ZNF77: variants seen among roughly 807,000 people sequenced by gnomAD.
ZNF77 encodes the protein ZNFpT1.
ZNF77 carries 15 observed loss-of-function variants against 13.5 expected under a neutral mutation model. The ratio of observed to expected loss-of-function variants is 1.11; its 90% CI spans 0.74 to 1.71. ZNF77 has a LOEUF of 1.71. ZNF77 is among the 40% of genes most tolerant of loss of function. ZNF77 has a pLI of 0.00. For synonymous variants in ZNF77, 282 were observed against 250.0 expected (o/e 1.13, Z -1.21); for missense variants, 717 against 676.4 (o/e 1.06, Z -0.67).
chr19:2,935,462 C>T (rs537111582), intron 3 of ZNF77, among the ~76,000 whole-genome samples: 9 of 151,282 alleles, frequency 5.9e-5, no homozygotes, highest in East Asian at 3.9e-4. Flanking sequence ...GGATTACAGG[C>T]GTGCACCACT....
At chr19:2,942,703 C>T (rs888806600) in intron 1 of ZNF77, among the ~76,000 whole-genome samples, 6 of 152,026 alleles carry the variant, frequency 3.9e-5, no homozygotes, top group Non-Finnish European at 8.8e-5. Flanking sequence ...ATTGGGACAG[C>T]CAGGACCCTC....
At chr19:2,943,098 T>C (rs922701830) in intron 1 of ZNF77, among the ~76,000 whole-genome samples, 1 of 152,090 alleles carries the variant, frequency 6.6e-6, no homozygotes, top group Non-Finnish European at 1.5e-5. Flanking sequence ...ACTCTTCAGA[T>C]GCCTGCATAC....
At position 2,944,834 on chromosome 19, in the gene ZNF77, T is replaced by C; in HGVS notation, c.3+4A>G. 6.6e-7 allele frequency: 1 copy of C among 1,524,364 alleles called. No individual in the cohort carries two copies. Among genetic ancestry groups the C allele is most frequent in the African/African-American group, 1.4e-5 (1 of 71,390 alleles). 94.4% of individuals were successfully genotyped at this position (1,524,364 alleles called of 1,614,324 possible). ...CCCGGGCTCGGCTCCCGCCCGGCAC[T>C]CACCATGTCCCGCCCGCTCCTGGGC... On this transcript the variant is annotated splice_donor_region_variant and intron_variant, in intron 1 of 3. Coordinates refer to ENST00000314531, the MANE Select transcript of ZNF77 (RefSeq NM_021217.3).
intron 3 of ZNF77, among the ~76,000 whole-genome samples, chr19:2,935,080 G>A (rs959432631): frequency 6.0e-5 from 9 of 150,842 alleles, no homozygotes; most frequent in African/African-American, 1.7e-4. Flanking sequence ...GTGCAGTGGC[G>A]CCATCTCGGC....
intron 2 of ZNF77, among the ~76,000 whole-genome samples, chr19:2,939,059 C>G (rs140348764): frequency 8.9e-5 from 8 of 89,924 alleles, no homozygotes; most frequent in African/African-American, 3.2e-4. Context: ...GAGGGAATGA[C>G]GCCATCCTTA....
chr19:2,941,303 C>G (rs1377564895), intron 1 of ZNF77, among the ~76,000 whole-genome samples: 4 of 151,276 alleles, frequency 2.6e-5, no homozygotes, highest in Non-Finnish European at 5.9e-5. Flanking sequence ...CATGGTGAAA[C>G]CGCACCGCTA....
rs1825603500 is a variant in ZNF77 at position 2,933,328 on chromosome 19, T to C, written c.*161A>G. ...GCTGAGGCATGTAAAGGCAATACCA[T>C]ATTAATCATAATTAAGAGATTTCTC... is the stretch of plus-strand genomic sequence containing the variant. On this transcript the variant is annotated 3_prime_UTR_variant, in exon 4 of 4. Coordinates refer to ENST00000314531, the MANE Select transcript of ZNF77 (RefSeq NM_021217.3). 1.3e-6 allele frequency: 1 copy of C among 772,704 alleles called. No individual in the cohort carries two copies. The highest frequency in any genetic ancestry group is 2.0e-6 in the Non-Finnish European group (1 of 508,598). The allele number at this position is 772,704 out of a possible 1,614,324, so 47.9% of individuals were successfully genotyped here.
intron 1 of ZNF77, among the ~76,000 whole-genome samples, chr19:2,941,697 A>G (rs2088450096): frequency 6.6e-6 from 1 of 152,138 alleles, no homozygotes; most frequent in Non-Finnish European, 1.5e-5. Context: ...CAGTCCCCTA[A>G]TCGGAATTGC....
rs777105260 is a variant in ZNF77 at position 2,933,963 on chromosome 19, G to A, written c.1164C>T (p.Ala388=). The A allele has an allele frequency of 1.9e-6, 3 of 1,614,144 alleles. No individual in the cohort carries two copies. The highest frequency in any genetic ancestry group is 2.2e-5 in the South Asian group (2 of 91,086). Residue 388 remains alanine, a synonymous_variant, in exon 4 of 4, where the codon GCC becomes GCT. Coordinates refer to ENST00000314531, the MANE Select transcript of ZNF77 (RefSeq NM_021217.3). ...TTCTAAAGTAAGTGGGACATCCGAA[G>A]GCCTTCCCACACTGCTTGCACACAT... ...KPYVCKQCGK[A]FGCPTYFRRH... is the part of the protein sequence containing the mutation.
intron 1 of ZNF77, among the ~76,000 whole-genome samples, chr19:2,944,238 G>T (rs1403092141): frequency 9.6e-6 from 1 of 104,092 alleles, no homozygotes; most frequent in Non-Finnish European, 1.9e-5. Context: ...CCCTTAAAGT[G>T]CCCCTGAGCC....
chr19:2,935,014 G>A lies in ZNF77; in HGVS notation c.312-199C>T, dbSNP rs535732494. 4.6e-5 allele frequency among the ~76,000 whole-genome samples: 7 copies of A among 152,102 alleles called. No individual in the cohort carries two copies. In the South Asian group the frequency reaches 1.0e-3, roughly 23 times the overall value. ...GCTCAACTGCAGCCATAAATTTCAC[G>A]GTGTTTCTTTTCTTCTTTTTTTGAG... is the stretch of plus-strand genomic sequence containing the variant. On this transcript the variant is annotated intron_variant, in intron 3 of 3. Coordinates refer to ENST00000314531, the MANE Select transcript of ZNF77 (RefSeq NM_021217.3).
At chr19:2,940,776 C>T (rs971428185) in intron 1 of ZNF77, among the ~76,000 whole-genome samples, 2 of 151,920 alleles carry the variant, frequency 1.3e-5, no homozygotes, top group Admixed American at 6.6e-5. Context: ...AAGGCTTCTT[C>T]GAAGACATGG....
Position 2,934,056 on chromosome 19 carries a change from G to C in ZNF77, c.1071C>G (p.Cys357Trp). The stretch of plus-strand genomic sequence containing the variant: ...AGGAGGGGTACCTGAAGGCTTTGCC[G>C]CATTCCTTACATTCATAGGGTTTCT... ...SGEKPYECKE[C>W]GKAFRYPSSL... is the part of the protein sequence containing the mutation. Residue 357 changes from cysteine to tryptophan, a missense_variant, in exon 4 of 4, where the codon TGC (cysteine) becomes TGG (tryptophan). Transcript: ENST00000314531. 1 of 1,613,904 alleles carries C rather than the reference G, an allele frequency of 6.2e-7. No homozygotes were observed. Among genetic ancestry groups the C allele is most frequent in the Non-Finnish European group, 8.5e-7 (1 of 1,179,944 alleles).
At chr19:2,943,692 AT>A (rs10633206) in intron 1 of ZNF77, among the ~76,000 whole-genome samples, 1,693 of 76,800 alleles carry the variant, frequency 0.022, 20 homozygotes, top group African/African-American at 0.083. Flanking sequence ...TCTAGCCAGG[AT>A]TTTTTTTTTT....
intron 1 of ZNF77, among the ~76,000 whole-genome samples, chr19:2,940,541 C>T (rs2144967970): frequency 6.6e-6 from 1 of 152,128 alleles, no homozygotes; most frequent in East Asian, 1.9e-4. Flanking sequence ...GGCGTGGTGG[C>T]ACACGCCTGT....
rs774554803 is a variant in ZNF77, at chr19:2,934,639, G to T, written c.488C>A (p.Pro163Gln). The change falls in exon 4 of 4, where the codon CCG becomes CAG. Residue 163 changes from proline to glutamine, a missense_variant. Physicochemically the swap from Pro to Gln is moderately conservative, Grantham distance 76. Coordinates refer to ENST00000314531, the MANE Select transcript of ZNF77 (RefSeq NM_021217.3). Reference protein sequence around the residue: ...NRQRSHTGQRPCKECGQACSC... With the variant: ...NRQRSHTGQRQCKECGQACSC... ...GCAGGCTTGCCCACATTCCTTACAC[G>T]GTCTCTGTCCAGTGTGAGATCTCTG... 1 of 1,614,118 alleles carries T rather than the reference G, an allele frequency of 6.2e-7. No homozygotes were observed. The highest frequency in any genetic ancestry group is 8.5e-7 in the Non-Finnish European group (1 of 1,180,006).
chr19:2,944,899 G>C lies in ZNF77; in HGVS notation c.-59C>G, dbSNP rs781184731. The C allele has an allele frequency of 5.2e-5, 79 of 1,514,274 alleles. No homozygotes were observed. Among genetic ancestry groups the C allele is most frequent in the Non-Finnish European group, 6.7e-5 (76 of 1,137,314 alleles). 93.8% of individuals were successfully genotyped at this position (1,514,274 alleles called of 1,614,324 possible). A position where few individuals can be genotyped will look rare whatever the true frequency, so the allele number is the denominator to read the frequency against. On this transcript the variant is annotated 5_prime_UTR_variant, in exon 1 of 4. Transcript: ENST00000314531. ...GCCCCGCGGTCCAGCGACCGGCGCA[G>C]GTGAGCACGACAGGACACCTGAGCC...
At position 2,934,680 on chromosome 19, in the gene ZNF77, T is replaced by C; in HGVS notation, c.447A>G (p.Lys149=). The change falls in exon 4 of 4, where the codon AAA becomes AAG. Residue 149 remains lysine, a synonymous_variant. Transcript: ENST00000314531. Reference sequence around the variant, plus strand: ...GAGATCTCTGCCGATTCTCGAAGGCTTTGCCACACTTAGTGCACTCAGAGG... The same window carrying C: ...GAGATCTCTGCCGATTCTCGAAGGCCTTGCCACACTTAGTGCACTCAGAGG... ...AKPSECTKCG[K]AFENRQRSHT... The C allele has an allele frequency of 1.2e-6, 2 of 1,614,128 alleles. No individual in the cohort carries two copies. Among genetic ancestry groups the C allele is most frequent in the South Asian group, 2.2e-5 (2 of 91,078 alleles).
intron 1 of ZNF77, chr19:2,939,786 G>A: frequency 4.3e-6 from 1 of 232,164 alleles, no homozygotes; most frequent in Non-Finnish European, 8.5e-6. Context: ...AGCCTGGGCT[G>A]CATAGTGAGA....
Sources: gnomAD v4.1 joint callset for allele counts (sites outside exome capture counted in the v4.1 genomes callset) on GRCh38, gnomAD v4.1.1 for gene constraint, MANE v1.5 for transcripts, NCBI Gene and HGNC (gene_info 2026-07-23, HGNC 2026-07-21) for gene names.